The following GATA4 variants were observed in gnomAD, a reference collection of about 807,000 sequenced individuals.
The protein encoded by GATA4 is GATA binding protein 4.
GATA4 carries 7 observed loss-of-function variants against 37.9 expected under a neutral mutation model. The observed-to-expected ratio is 0.18, with a 90% CI of 0.11 to 0.35. The LOEUF (loss-of-function observed/expected upper bound fraction) is 0.35, where lower values mean the gene tolerates loss of function less well. Among genes scored for constraint, GATA4 ranks in the 10% least tolerant of loss-of-function variants. The pLI, the probability that GATA4 is intolerant of heterozygous loss-of-function variation, is 1.00. For missense variants in GATA4, 647 were observed against 653.0 expected, an observed-to-expected ratio of 0.99 and a Z score of 0.10; for synonymous variants, 372 against 292.6, an observed-to-expected ratio of 1.27 and a Z score of -2.77.
At chr8:11,684,787 C>G (rs1268951674) in intron 1 of GATA4, among the ~76,000 whole-genome samples, 1 of 152,118 alleles carries the variant, frequency 6.6e-6, no homozygotes, top group Non-Finnish European at 1.5e-5. Context: ...GTTTCTTAAC[C>G]TATTACTTCA....
rs755969346 is a variant in GATA4 at position 11,737,411 on chromosome 8, G to C, written c.617-11505G>C. 5.4e-4 allele frequency among the ~76,000 whole-genome samples: 82 copies of C among 152,256 alleles called. 1 individual carries two copies. The highest frequency in any genetic ancestry group is 9.8e-4 in the Admixed American group (15 of 15,292). ...GCAGACCCATTGTCTCGGTCCCTGA[G>C]GGAGCTGCCCTGGCAATTTATTCAA... On this transcript the variant is annotated intron_variant, in intron 2 of 6. Transcript: ENST00000532059.
chr8:11,743,278 G>T (rs1392121682), intron 2 of GATA4, among the ~76,000 whole-genome samples: 1 of 152,246 alleles, frequency 6.6e-6, no homozygotes, highest in Non-Finnish European at 1.5e-5. Flanking sequence ...CAACATGTTC[G>T]TTACGTCTAG....
At chr8:11,682,220 A>G (rs1391085488) in intron 1 of GATA4, among the ~76,000 whole-genome samples, 1 of 152,242 alleles carries the variant, frequency 6.6e-6, no homozygotes, top group Non-Finnish European at 1.5e-5. Flanking sequence ...AGAATCTTTT[A>G]AAACGGTGTC....
At chr8:11,693,122 T>A (rs984605090) in intron 1 of GATA4, 1 of 959,492 alleles carries the variant, frequency 1.0e-6, no homozygotes, top group African/African-American at 1.8e-5. Flanking sequence ...CCAGTGTCTG[T>A]TAACGATGTG....
chr8:11,748,614 A>G (rs1036399283), intron 2 of GATA4, among the ~76,000 whole-genome samples: 8 of 152,328 alleles, frequency 5.3e-5, no homozygotes, highest in African/African-American at 1.9e-4. Flanking sequence ...TGAGAGGCCT[A>G]GGGCTGGAGG....
chr8:11,706,794 A>G (rs964183785), intron 1 of GATA4, among the ~76,000 whole-genome samples: 2 of 152,124 alleles, frequency 1.3e-5, no homozygotes, highest in African/African-American at 4.8e-5. Context: ...TTGATCTTAG[A>G]CAAGTTTCAA....
Position 11,708,523 on chromosome 8 carries a change from T to A in GATA4, c.211T>A (p.Ser71Thr). 6.9e-7 allele frequency: 1 copy of A among 1,459,376 alleles called. No homozygotes were observed. The highest frequency in any genetic ancestry group is 9.0e-7 in the Non-Finnish European group (1 of 1,113,112). The allele number at this position is 1,459,376 out of a possible 1,614,324, so 90.4% of individuals were successfully genotyped here. A position where few individuals can be genotyped will look rare whatever the true frequency, so the allele number is the denominator to read the frequency against. ...SASGGASGGS[S>T]GGAASGAGPG... ...GTCCGGAGGCGCCTCGGGCGGCAGC[T>A]CCGGTGGGGCCGCGTCTGGTGCGGG... The change falls in exon 2 of 7, where the codon TCC becomes ACC. Residue 71 changes from serine to threonine, a missense_variant. Coordinates refer to ENST00000532059, the MANE Select transcript of GATA4 (RefSeq NM_001308093.3). The surrounding 1 kb of genome is among the most constrained non-coding windows in gnomAD (Gnocchi z 6.7).
At chr8:11,731,869 G>A (rs923688885) in intron 2 of GATA4, among the ~76,000 whole-genome samples, 1 of 152,202 alleles carries the variant, frequency 6.6e-6, no homozygotes, top group Non-Finnish European at 1.5e-5. Context: ...GGTGTAAGTA[G>A]CATTGATGGA....
chr8:11,710,732 G>A (rs1172194112), intron 2 of GATA4, among the ~76,000 whole-genome samples: 1 of 147,136 alleles, frequency 6.8e-6, no homozygotes, highest in Non-Finnish European at 1.5e-5. Flanking sequence ...TCCAGGGAGA[G>A]TTTGCTTTGT....
intron 2 of GATA4, among the ~76,000 whole-genome samples, chr8:11,730,111 G>T (rs1801133761): frequency 6.6e-6 from 1 of 152,132 alleles, no homozygotes; most frequent in Non-Finnish European, 1.5e-5. Flanking sequence ...GTAGGGTTTT[G>T]CCATGTTGCC....
intron 1 of GATA4, among the ~76,000 whole-genome samples, chr8:11,693,550 C>CAGAGAGAGAG (rs1166902782): frequency 2.6e-5 from 3 of 115,674 alleles, no homozygotes; most frequent in Non-Finnish European, 5.3e-5. Flanking sequence ...CACACACACA[C>CAGAGAGAGAG]ACACACACAC....
intron 2 of GATA4, among the ~76,000 whole-genome samples, chr8:11,734,181 T>C (rs1316748379): frequency 1.3e-5 from 2 of 152,246 alleles, no homozygotes; most frequent in East Asian, 3.8e-4. Flanking sequence ...AGATACACTT[T>C]TCTCATGTGT....
chr8:11,729,682 T>A (rs2130194561), intron 2 of GATA4, among the ~76,000 whole-genome samples: 1 of 152,260 alleles, frequency 6.6e-6, no homozygotes. Context: ...TGGAAATAAG[T>A]GAATCATTCC....
Position 11,756,917 on chromosome 8 carries a change from G to C in GATA4, c.1001-18G>C, listed in dbSNP as rs370183433. On this transcript the variant is annotated intron_variant, in intron 5 of 6. Transcript: ENST00000532059. ...TCCCTGCCGCTGATTTGGGTGTGCT[G>C]ACTCTGCTTCATTCCAGCTCCTTCA... 3 of 1,614,082 alleles carry C rather than the reference G, an allele frequency of 1.9e-6. No homozygotes were observed. Among genetic ancestry groups the C allele is most frequent in the African/African-American group, 2.7e-5 (2 of 74,940 alleles).
At chr8:11,678,049 AATAATAAT>A (rs1449357629) in intron 1 of GATA4, among the ~76,000 whole-genome samples, 1 of 117,380 alleles carries the variant, frequency 8.5e-6, no homozygotes, top group African/African-American at 3.4e-5. Flanking sequence ...TAATAATAAT[AATAATAAT>A]AAATAGGAGT....
intron 2 of GATA4, among the ~76,000 whole-genome samples, chr8:11,738,506 T>C (rs1197212526): frequency 2.6e-5 from 4 of 152,246 alleles, no homozygotes; most frequent in Admixed American, 2.0e-4. Flanking sequence ...TATGGCTACA[T>C]AGTGTGCCTT....
At chr8:11,698,603 C>G (rs1045032220) in intron 1 of GATA4, among the ~76,000 whole-genome samples, 3 of 152,210 alleles carry the variant, frequency 2.0e-5, no homozygotes, top group African/African-American at 7.2e-5. Context: ...GTCTCTCCAT[C>G]CTTCCAGGAT....
intron 2 of GATA4, among the ~76,000 whole-genome samples, chr8:11,710,457 G>C (rs537855891): frequency 2.4e-4 from 36 of 151,932 alleles, no homozygotes; most frequent in African/African-American, 7.5e-4. Context: ...CTTAAAATAG[G>C]GAGGACTGGG....
Position 11,749,061 on chromosome 8 carries a change from G to A in GATA4, c.762G>A (p.Pro254=), listed in dbSNP as rs143454176. 3.5e-5 allele frequency: 56 copies of A among 1,614,102 alleles called. 1 individual carries two copies. Among genetic ancestry groups the A allele is most frequent in the African/African-American group, 6.7e-5 (5 of 74,936 alleles). Residue 254 remains proline (P), a synonymous_variant, in exon 3 of 7, where the codon CCG becomes CCA. Coordinates refer to ENST00000532059, the MANE Select transcript of GATA4 (RefSeq NM_001308093.3). The surrounding 1 kb of genome is among the most constrained non-coding windows in gnomAD (Gnocchi z 4.6). ...ACAAGATGAACGGCATCAACCGGCC[G>A]CTCATCAAGCCTCAGCGCCGGCTGG... The part of the protein sequence containing the change: ...LYHKMNGINR[P]LIKPQRRLSA...
Sources: allele counts gnomAD v4.1 joint callset (sites outside exome capture counted in the v4.1 genomes callset), GRCh38; gene constraint gnomAD v4.1.1; non-coding constraint Gnocchi (gnomAD v3.1); transcripts MANE v1.5; gene names NCBI Gene and HGNC (gene_info 2026-07-23, HGNC 2026-07-21).